The following NBEA variants were observed in gnomAD, a reference collection of about 807,000 sequenced individuals.
NBEA encodes neurobeachin.
Under a neutral mutation model 343.4 loss-of-function variants are expected in NBEA, and 44 were observed. The observed-to-expected ratio is 0.13, with a 90% CI of 0.10 to 0.16. The LOEUF is 0.16. Ranked by LOEUF, NBEA falls within the 10% of genes least tolerant of loss-of-function variation. The pLI is 1.00. For missense variants in NBEA, 2,555 were observed against 3,631.3 expected (o/e 0.70, Z 7.62); for synonymous variants, 1,175 against 1,238.7 (o/e 0.95, Z 1.08).
At chr13:35,173,404 T>C (rs561795533) in intron 26 of NBEA, 60 bp from the exon 27 acceptor site, 187 of 1,421,964 alleles carry the variant, frequency 1.3e-4, no homozygotes, top group Admixed American at 9.9e-4. Context: ...CTTGCAACTT[T>C]TTCCAGGATA....
At chr13:35,621,276 C>G (rs1041253483) in intron 48 of NBEA, among the ~76,000 whole-genome samples, 3 of 152,164 alleles carry the variant, frequency 2.0e-5, no homozygotes, top group Non-Finnish European at 4.4e-5. Context: ...GCCTAGAACA[C>G]TGCCTGGCAC....
At chr13:35,221,733 G>T (rs577933329) in intron 33 of NBEA, among the ~76,000 whole-genome samples, 1 of 152,116 alleles carries the variant, frequency 6.6e-6, no homozygotes, top group South Asian at 2.1e-4. Flanking sequence ...TAGTTCTATA[G>T]GATCTCAACC....
intron 27 of NBEA, among the ~76,000 whole-genome samples, chr13:35,175,196 G>C (rs920906963): frequency 1.3e-5 from 2 of 152,118 alleles, no homozygotes; most frequent in Non-Finnish European, 2.9e-5. Context: ...CTGGTTTTGC[G>C]ACCTGAGAGA....
intron 30 of NBEA, among the ~76,000 whole-genome samples, chr13:35,184,442 A>G (rs2071543398): frequency 6.6e-6 from 1 of 152,092 alleles, no homozygotes; most frequent in African/African-American, 2.4e-5. Context: ...AAACTGATCT[A>G]TACGTTATTT....
chr13:35,357,075 A>G (rs1487041676), intron 38 of NBEA, among the ~76,000 whole-genome samples: 1 of 152,166 alleles, frequency 6.6e-6, no homozygotes, highest in East Asian at 1.9e-4. Flanking sequence ...AGAACTCTGC[A>G]TATAATAATT....
At chr13:35,247,321 AT>A (rs2031358142) in intron 34 of NBEA, among the ~76,000 whole-genome samples, 1 of 152,062 alleles carries the variant, frequency 6.6e-6, no homozygotes, top group Non-Finnish European at 1.5e-5. Context: ...TTCATTTGGA[AT>A]TGTTACAAAA....
In NBEA at chr13:35,179,548, T is replaced by TA. The variant is rs1056121608; in HGVS notation, c.4662+2451dup. On this transcript the variant is annotated intron_variant, in intron 28 of 58. Coordinates refer to ENST00000379939, the MANE Select transcript of NBEA (RefSeq NM_001385012.1). ...ATCTGGGTTAAAAAAAAATAAAAAA[T>TA]AAAAAATAAAAAAAAAAGCTAACTC... Among the ~76,000 whole-genome samples, 567 of 150,016 alleles carry TA rather than the reference T, an allele frequency of 3.8e-3. 2 individuals are homozygous for TA. Among genetic ancestry groups the TA allele is most frequent in the African/African-American group, 0.013 (532 of 41,052 alleles).
intron 17 of NBEA, among the ~76,000 whole-genome samples, chr13:35,130,502 T>C (rs1368522476): frequency 6.6e-6 from 1 of 152,020 alleles, no homozygotes; most frequent in African/African-American, 2.4e-5. Flanking sequence ...GCCACCATGT[T>C]ATGAAAAAGG....
At chr13:35,402,906 A>G (rs533399442) in intron 38 of NBEA, among the ~76,000 whole-genome samples, 11 of 152,194 alleles carry the variant, frequency 7.2e-5, no homozygotes, top group African/African-American at 2.6e-4. Flanking sequence ...TTATTGGCAA[A>G]TAATTCCCTC....
chr13:35,006,345 A>G (rs1236530032), intron 1 of NBEA, among the ~76,000 whole-genome samples: 1 of 152,060 alleles, frequency 6.6e-6, no homozygotes, highest in Non-Finnish European at 1.5e-5. Flanking sequence ...TTAAAGGGTA[A>G]AATAAATTTA....
intron 36 of NBEA, among the ~76,000 whole-genome samples, chr13:35,334,263 T>C (rs947585068): frequency 1.3e-5 from 2 of 152,092 alleles, no homozygotes; most frequent in Non-Finnish European, 2.9e-5. Context: ...TGGTATCTCA[T>C]TGTAGTTGCT....
chr13:35,359,292 C>T (rs1458762040), intron 38 of NBEA, among the ~76,000 whole-genome samples: 3 of 152,114 alleles, frequency 2.0e-5, no homozygotes, highest in African/African-American at 7.2e-5. Flanking sequence ...TTTTTTAACA[C>T]TGCTTCCCCA....
chr13:35,461,459 G>A (rs1005546203), intron 40 of NBEA, among the ~76,000 whole-genome samples: 9 of 152,026 alleles, frequency 5.9e-5, no homozygotes, highest in African/African-American at 2.2e-4. Context: ...AACTTACCAG[G>A]AAACCATATT....
chr13:35,140,694 G>T (rs1359904506), intron 17 of NBEA, among the ~76,000 whole-genome samples: 1 of 152,104 alleles, frequency 6.6e-6, no homozygotes, highest in Non-Finnish European at 1.5e-5. Flanking sequence ...TGTGGCTCTT[G>T]GAGGCTAATG....
At chr13:35,296,546 G>A (rs2036144047) in intron 35 of NBEA, among the ~76,000 whole-genome samples, 1 of 151,982 alleles carries the variant, frequency 6.6e-6, no homozygotes, top group Admixed American at 6.6e-5. Context: ...AAGGAATGTA[G>A]AATATTCTGA....
chr13:35,061,204 T>A (rs2063455292), intron 8 of NBEA, among the ~76,000 whole-genome samples: 1 of 151,760 alleles, frequency 6.6e-6, no homozygotes, highest in Admixed American at 6.6e-5. Flanking sequence ...GTCGAATTTT[T>A]GGTTTTGAGC....
chr13:35,125,608 A>T (rs2067081600), intron 17 of NBEA, among the ~76,000 whole-genome samples: 1 of 152,190 alleles, frequency 6.6e-6, no homozygotes, highest in Admixed American at 6.5e-5. Flanking sequence ...CCCTTCTTTT[A>T]CACATATGCA....
chr13:35,004,845 TAG>T (rs1001656934), intron 1 of NBEA, among the ~76,000 whole-genome samples: 1 of 152,182 alleles, frequency 6.6e-6, no homozygotes, highest in Non-Finnish European at 1.5e-5. Context: ...AGGATATTAA[TAG>T]AACAGTGTGA....
chr13:35,269,927 C>G (rs2033994410), intron 34 of NBEA, among the ~76,000 whole-genome samples: 1 of 152,092 alleles, frequency 6.6e-6, no homozygotes, highest in Non-Finnish European at 1.5e-5. Flanking sequence ...AAATTATAGG[C>G]TAGGAATAGA....
Sources: allele counts gnomAD v4.1 joint callset (sites outside exome capture counted in the v4.1 genomes callset), GRCh38; gene constraint gnomAD v4.1.1; transcripts MANE v1.5; gene names NCBI Gene and HGNC (gene_info 2026-07-23, HGNC 2026-07-21).